PCDHGA3: variants seen among roughly 807,000 people sequenced by gnomAD.
PCDHGA3 encodes the protein protocadherin gamma-A3.
A neutral mutation model predicts 58.5 loss-of-function variants in PCDHGA3; 40 were observed. The ratio of observed to expected loss-of-function variants is 0.68; its 90% CI spans 0.53 to 0.89. The LOEUF (loss-of-function observed/expected upper bound fraction) is 0.89. PCDHGA3 is among the 40% of genes least tolerant of loss of function. The pLI is 0.00. For synonymous variants in PCDHGA3, 530 were observed against 525.7 expected, an observed-to-expected ratio of 1.01 and a Z score of -0.11; for missense variants, 1,223 against 1,195.9, an observed-to-expected ratio of 1.02 and a Z score of -0.33.
intron 1 of PCDHGA3, chr5:141,388,068 C>T (rs562398369): frequency 8.0e-6 from 11 of 1,373,194 alleles, no homozygotes; most frequent in Non-Finnish European, 1.1e-5. Flanking sequence ...CCAGGAGTTA[C>T]CGACTCGAAA....
chr5:141,453,676 C>T (rs1387074223), intron 1 of PCDHGA3, among the ~76,000 whole-genome samples: 1 of 152,174 alleles, frequency 6.6e-6, no homozygotes, highest in Admixed American at 6.6e-5. Flanking sequence ...AAAGGTAACA[C>T]ACTATGTAGG....
At chr5:141,415,772 T>TTTTTTTTG in intron 1 of PCDHGA3, 1 of 1,332,986 alleles carries the variant, frequency 7.5e-7, no homozygotes. Context: ...TTTTTTTTTT[T>TTTTTTTTG]ACTTTCTGGT....
At chr5:141,509,040 C>G (rs1217864661) in intron 3 of PCDHGA3, among the ~76,000 whole-genome samples, 1 of 152,132 alleles carries the variant, frequency 6.6e-6, no homozygotes, top group Non-Finnish European at 1.5e-5. Context: ...CAACCCCTCT[C>G]CCCCGCCCCC....
Position 141,370,856 on chromosome 5 carries a change from G to A in PCDHGA3, c.2424+24399G>A, listed in dbSNP as rs752174657. On this transcript the variant is annotated intron_variant, in intron 1 of 3. Coordinates refer to ENST00000253812, the MANE Select transcript of PCDHGA3 (RefSeq NM_018916.4). ...CTCTCACTGGAGCCACATTTGCCCT[G>A]GAATCTGCGCAAGATCCTGATGTAG... The A allele has an allele frequency of 1.9e-6, 3 of 1,613,928 alleles. No homozygotes were observed. The East Asian group carries it at 6.7e-5, about 36-fold the overall frequency.
chr5:141,461,167 C>T (rs917796588), intron 1 of PCDHGA3, among the ~76,000 whole-genome samples: 2 of 151,968 alleles, frequency 1.3e-5, no homozygotes, highest in Non-Finnish European at 2.9e-5. Context: ...AGTGGGATTG[C>T]TGGATTGAAT....
chr5:141,455,961 G>C (rs1447678052), intron 1 of PCDHGA3, among the ~76,000 whole-genome samples: 1 of 150,954 alleles, frequency 6.6e-6, no homozygotes, highest in African/African-American at 2.4e-5. Context: ...GCAGTGGCGC[G>C]ATCTCAGCTC....
intron 2 of PCDHGA3, among the ~76,000 whole-genome samples, chr5:141,497,050 G>A (rs113054804): frequency 6.6e-5 from 10 of 152,096 alleles, no homozygotes; most frequent in East Asian, 5.8e-4. Context: ...TTAGCCAGGC[G>A]TGGTGGCAGG....
intron 1 of PCDHGA3, chr5:141,361,394 T>A: frequency 1.2e-6 from 2 of 1,613,952 alleles, no homozygotes; most frequent in Non-Finnish European, 1.7e-6. Flanking sequence ...GAATACAATC[T>A]CACCATCACA....
intron 1 of PCDHGA3, among the ~76,000 whole-genome samples, chr5:141,492,090 C>T (rs751238997): frequency 1.4e-4 from 21 of 152,258 alleles, no homozygotes; most frequent in Admixed American, 6.5e-5. Flanking sequence ...GCACGCTTCG[C>T]CGGTCTGTAG....
chr5:141,372,331 T>G (rs1385749044), intron 1 of PCDHGA3: 2 of 1,613,644 alleles, frequency 1.2e-6, no homozygotes, highest in African/African-American at 1.3e-5. Flanking sequence ...CTGGTCACTG[T>G]GCGTGATGGA....
At chr5:141,357,490 C>T in intron 1 of PCDHGA3, 1 of 1,614,218 alleles carries the variant, frequency 6.2e-7, no homozygotes, top group Non-Finnish European at 8.5e-7. Flanking sequence ...CGCGGACTCG[C>T]GGAAGAGTCA....
At chr5:141,367,748 C>T (rs1765315661) in intron 1 of PCDHGA3, 1 of 152,176 alleles carries the variant, frequency 6.6e-6, no homozygotes, top group African/African-American at 2.4e-5. Flanking sequence ...CAGAGAGTTA[C>T]ATACTGCTGC....
At chr5:141,369,943 A>G (rs1183061731) in intron 1 of PCDHGA3, among the ~76,000 whole-genome samples, 2 of 152,250 alleles carry the variant, frequency 1.3e-5, no homozygotes, top group African/African-American at 4.8e-5. Flanking sequence ...ATTGAGCAAG[A>G]TTATCTCTGC....
chr5:141,471,046 C>CTTTT (rs1170588345), intron 1 of PCDHGA3, among the ~76,000 whole-genome samples: 3 of 113,278 alleles, frequency 2.6e-5, no homozygotes, highest in African/African-American at 7.1e-5. Flanking sequence ...CCCAAGCCCT[C>CTTTT]TTTTTTTTTT....
chr5:141,364,535 A>G (rs1404696563), intron 1 of PCDHGA3: 2 of 1,614,100 alleles, frequency 1.2e-6, no homozygotes, highest in Admixed American at 3.3e-5. Context: ...CATCGTCTCC[A>G]GAGGTAGGAC....
rs145718404 is a variant in PCDHGA3 at position 141,404,928 on chromosome 5, C to T, written c.2424+58471C>T. On this transcript the variant is annotated intron_variant, in intron 1 of 3. Transcript: ENST00000253812. ...CAGCCCCCTCTCTCGGCCACTGTCA[C>T]GCTCACAGTAGCCATAGCTGACAGC... The T allele has an allele frequency of 1.6e-4, 263 of 1,613,866 alleles. 1 individual carries two copies. In the African/African-American group the frequency reaches 2.2e-3, roughly 13 times the overall value.
At chr5:141,414,061 T>C in intron 1 of PCDHGA3, 1 of 1,609,248 alleles carries the variant, frequency 6.2e-7, no homozygotes, top group Non-Finnish European at 8.5e-7. Flanking sequence ...ATTGTTGAAG[T>C]TCCAACTAAA....
At chr5:141,372,042 G>C in intron 1 of PCDHGA3, 1 of 1,613,478 alleles carries the variant, frequency 6.2e-7, no homozygotes, top group South Asian at 1.1e-5. Context: ...GAGCCTGCGC[G>C]TGTTGGTGGA....
chr5:141,345,172 G>A lies in PCDHGA3; in HGVS notation c.1139G>A (p.Gly380Glu). ...DVHDRDSGQN[G>E]QVEVFVLGNL... The stretch of plus-strand genomic sequence containing the variant: ...CATGACCGAGATTCTGGGCAGAATG[G>A]GCAGGTTGAAGTTTTTGTCCTGGGA... Residue 380 changes from glycine to glutamate, a missense_variant, in exon 1 of 4, where the codon GGG becomes GAG. Gly to Glu is a moderately conservative substitution (Grantham distance 98). Transcript: ENST00000253812. 4 of 1,613,902 alleles carry A rather than the reference G, an allele frequency of 2.5e-6. No homozygotes were observed. The highest frequency in any genetic ancestry group is 1.1e-5 in the South Asian group (1 of 91,072).
Sources: gnomAD v4.1 joint callset for allele counts (sites outside exome capture counted in the v4.1 genomes callset) on GRCh38, gnomAD v4.1.1 for gene constraint, MANE v1.5 for transcripts, NCBI Gene and HGNC (gene_info 2026-07-23, HGNC 2026-07-21) for gene names.